The following DR1 variants were observed in gnomAD, a reference collection of about 807,000 sequenced individuals.
DR1 encodes protein Dr1.
In DR1, 7 loss-of-function variants were observed where a neutral mutation model predicts 19.9. The ratio of observed to expected loss-of-function variants is 0.35; its 90% CI spans 0.20 to 0.66. The LOEUF (loss-of-function observed/expected upper bound fraction) is 0.66. DR1 is among the 30% of genes least tolerant of loss of function. The pLI is 0.66. For synonymous variants in DR1, 76 were observed against 72.5 expected (o/e 1.05, Z -0.24); for missense variants, 98 against 203.7 (o/e 0.48, Z 3.16).
In DR1 at chr1:93,363,712, A is replaced by G. The variant is rs1191681134; in HGVS notation, c.*3073A>G. The G allele has an allele frequency of 1.3e-5, 2 of 152,264 alleles. No homozygotes were observed. Among genetic ancestry groups the G allele is most frequent in the Admixed American group, 6.5e-5 (1 of 15,292 alleles). The allele number at this position is 152,264 out of a possible 1,614,324, so 9.4% of individuals were successfully genotyped here. On this transcript the variant is annotated 3_prime_UTR_variant, in exon 3 of 3. Transcript: ENST00000370272. Reference sequence around the variant, plus strand: ...ACATCTGCAGAATCTCTTTTGCCATATAAGTGACATTCACAGGTTCCAGGG... The same window carrying G: ...ACATCTGCAGAATCTCTTTTGCCATGTAAGTGACATTCACAGGTTCCAGGG...
chr1:93,346,659 C>G lies in DR1; in HGVS notation c.14C>G (p.Ser5Cys). The G allele has an allele frequency of 6.2e-7, 1 of 1,613,934 alleles. No individual in the cohort carries two copies. Among genetic ancestry groups the G allele is most frequent in the Non-Finnish European group, 8.5e-7 (1 of 1,179,968 alleles). The change falls in exon 1 of 3, where the codon TCT (serine) becomes TGT (cysteine). Residue 5 changes from serine to cysteine, a missense_variant. Coordinates refer to ENST00000370272, the MANE Select transcript of DR1 (RefSeq NM_001938.3). ...CAGGAAGGTACTATGGCTTCCTCGT[C>G]TGGCAACGATGATGATCTCACTATC... is the stretch of plus-strand genomic sequence containing the variant. MASSSGNDDDLTIPR... is the reference protein window; with the variant it reads MASSCGNDDDLTIPR...
rs749637310 is a variant in DR1 at position 93,366,967 on chromosome 1, A to T, written c.*6328A>T. On this transcript the variant is annotated 3_prime_UTR_variant, in exon 3 of 3. Transcript: ENST00000370272. ...CAGTGAGCCATGATCACGCTACTGC[A>T]CTCCAGTCTGGGCAACAGAGCAAAA... 5 of 152,118 alleles carry T rather than the reference A, an allele frequency of 3.3e-5. No homozygotes were observed. The highest frequency in any genetic ancestry group is 5.9e-5 in the Non-Finnish European group (4 of 68,084). 9.4% of individuals were successfully genotyped at this position (152,118 alleles called of 1,614,324 possible). A position where few individuals can be genotyped will look rare whatever the true frequency, so the allele number is the denominator to read the frequency against.
rs1345154261 is a variant in DR1, at chr1:93,366,568, G to A, written c.*5929G>A. On this transcript the variant is annotated 3_prime_UTR_variant, in exon 3 of 3. Coordinates refer to ENST00000370272, the MANE Select transcript of DR1 (RefSeq NM_001938.3). ...AAATCAATTTTACCATAGGTGAACT[G>A]ATATAAATAAGAGTTAAGTCCCTAT... 1.3e-5 allele frequency: 2 copies of A among 152,146 alleles called. No homozygotes were observed. The highest frequency in any genetic ancestry group is 4.8e-5 in the African/African-American group (2 of 41,428). 9.4% of individuals were successfully genotyped at this position (152,146 alleles called of 1,614,324 possible). A position where few individuals can be genotyped will look rare whatever the true frequency, so the allele number is the denominator to read the frequency against.
At position 93,368,656 on chromosome 1, in the gene DR1, T is replaced by C. The variant is rs1365788260; in HGVS notation, c.*8017T>C. 1 of 152,226 alleles carries C rather than the reference T, an allele frequency of 6.6e-6. No homozygotes were observed. Among genetic ancestry groups the C allele is most frequent in the Non-Finnish European group, 1.5e-5 (1 of 68,028 alleles). The allele number at this position is 152,226 out of a possible 1,614,324, so 9.4% of individuals were successfully genotyped here. Reference sequence around the variant, plus strand: ...GTCACTAATAAACTTCTAGAATCCATGTAGTAGGGTGTAGTAGTGTGGTTA... The same window carrying C: ...GTCACTAATAAACTTCTAGAATCCACGTAGTAGGGTGTAGTAGTGTGGTTA... On this transcript the variant is annotated 3_prime_UTR_variant, in exon 3 of 3. Coordinates refer to ENST00000370272, the MANE Select transcript of DR1 (RefSeq NM_001938.3).
rs55792701 is a variant in DR1, at chr1:93,362,826, CTTTTTTTTTTTTTT to C, written c.*2202_*2215del. ...GCAATATTTTATTTTTAGGTTTTTT[CTTTTTTTTTTTTTT>C]TTTTTTTTTTTTTTAGCATTTAAGA... On this transcript the variant is annotated 3_prime_UTR_variant, in exon 3 of 3. Transcript: ENST00000370272. The C allele has an allele frequency of 3.8e-5, 2 of 52,868 alleles. No individual in the cohort carries two copies. Among genetic ancestry groups the C allele is most frequent in the Admixed American group, 2.0e-4 (1 of 5,064 alleles). The allele number at this position is 52,868 out of a possible 1,614,324, so 3.3% of individuals were successfully genotyped here.
In DR1 at chr1:93,365,420, A is replaced by G. The variant is rs967182362; in HGVS notation, c.*4781A>G. Reference sequence around the variant, plus strand: ...TGTGCATTGTAGGATTTCTAGCAGCATAATTGGCTTATGCCCACTTGATGT... The same window carrying G: ...TGTGCATTGTAGGATTTCTAGCAGCGTAATTGGCTTATGCCCACTTGATGT... On this transcript the variant is annotated 3_prime_UTR_variant, in exon 3 of 3. Transcript: ENST00000370272. The G allele has an allele frequency of 1.3e-5, 2 of 152,358 alleles. No individual in the cohort carries two copies. Among genetic ancestry groups the G allele is most frequent in the African/African-American group, 4.8e-5 (2 of 41,578 alleles). 9.4% of individuals were successfully genotyped at this position (152,358 alleles called of 1,614,324 possible).
intron 2 of DR1, among the ~76,000 whole-genome samples, chr1:93,359,441 T>C (rs1447552190): frequency 2.6e-5 from 4 of 152,152 alleles, no homozygotes; most frequent in Non-Finnish European, 5.9e-5. Flanking sequence ...TGGGAATGCA[T>C]AGGGAATTAT....
chr1:93,352,741 T>A (rs1666930355), intron 1 of DR1, among the ~76,000 whole-genome samples: 1 of 152,224 alleles, frequency 6.6e-6, no homozygotes, highest in Non-Finnish European at 1.5e-5. Context: ...TTGCCACCTA[T>A]GTTTCATCAT....
At chr1:93,356,878 T>A (rs1237690411) in intron 2 of DR1, among the ~76,000 whole-genome samples, 1 of 152,004 alleles carries the variant, frequency 6.6e-6, no homozygotes, top group East Asian at 1.9e-4. Context: ...TGCACCACCA[T>A]GCCTGGCTAA....
intron 1 of DR1, among the ~76,000 whole-genome samples, chr1:93,348,636 T>C (rs1666881553): frequency 6.6e-6 from 1 of 152,144 alleles, no homozygotes; most frequent in Non-Finnish European, 1.5e-5. Flanking sequence ...TGGAATATGC[T>C]AAATTCAGTT....
Position 93,362,188 on chromosome 1 carries a change from C to G in DR1, c.*1549C>G, listed in dbSNP as rs1356474233. The stretch of plus-strand genomic sequence containing the variant: ...TATACATTTATTAAATATACTTCCC[C>G]CATGAAGTGAAAAGGTTAATTTTGC... On this transcript the variant is annotated 3_prime_UTR_variant, in exon 3 of 3. Transcript: ENST00000370272. The G allele has an allele frequency of 6.6e-6, 1 of 152,216 alleles. No individual in the cohort carries two copies. The highest frequency in any genetic ancestry group is 1.5e-5 in the Non-Finnish European group (1 of 67,844). 9.4% of individuals were successfully genotyped at this position (152,216 alleles called of 1,614,324 possible).
chr1:93,348,406 A>G (rs1666878338), intron 1 of DR1, among the ~76,000 whole-genome samples: 1 of 152,150 alleles, frequency 6.6e-6, no homozygotes, highest in Non-Finnish European at 1.5e-5. Flanking sequence ...ACCTTTATCA[A>G]CATTGCCTTT....
chr1:93,366,480 A>G lies in DR1; in HGVS notation c.*5841A>G, dbSNP rs1296748736. The stretch of plus-strand genomic sequence containing the variant: ...ATATAAAGATAATTTATAATACAAT[A>G]AGTCCTCAATGTTGTTGATAGGTTC... On this transcript the variant is annotated 3_prime_UTR_variant, in exon 3 of 3. Coordinates refer to ENST00000370272, the MANE Select transcript of DR1 (RefSeq NM_001938.3). 2.6e-5 allele frequency: 4 copies of G among 152,206 alleles called. No individual in the cohort carries two copies. Among genetic ancestry groups the G allele is most frequent in the African/African-American group, 9.6e-5 (4 of 41,452 alleles). 9.4% of individuals were successfully genotyped at this position (152,206 alleles called of 1,614,324 possible).
At chr1:93,357,149 CATT>C (rs1199521497) in intron 2 of DR1, among the ~76,000 whole-genome samples, 2 of 152,160 alleles carry the variant, frequency 1.3e-5, no homozygotes, top group African/African-American at 4.8e-5. Context: ...GGATGACAGT[CATT>C]ATTAGGGAGA....
At position 93,361,050 on chromosome 1, in the gene DR1, G is replaced by GGGGGT; in HGVS notation, c.*412_*413insGGGTG. 1 of 162,016 alleles carries GGGGGT rather than the reference G, an allele frequency of 6.2e-6. No homozygotes were observed. Among genetic ancestry groups the GGGGGT allele is most frequent in the Non-Finnish European group, 1.3e-5 (1 of 75,764 alleles). 10.0% of individuals were successfully genotyped at this position (162,016 alleles called of 1,614,324 possible). On this transcript the variant is annotated 3_prime_UTR_variant, in exon 3 of 3. Coordinates refer to ENST00000370272, the MANE Select transcript of DR1 (RefSeq NM_001938.3). ...GTGAATTTTAAATTATTAAGGGGGG[G>GGGGGT]GTGCTGTGTGAATCAGTAGACATTG...
rs1476770434 is a variant in DR1 at position 93,367,669 on chromosome 1, T to A, written c.*7030T>A. 6.6e-6 allele frequency: 1 copy of A among 152,216 alleles called. No individual in the cohort carries two copies. Among genetic ancestry groups the A allele is most frequent in the African/African-American group, 2.4e-5 (1 of 41,452 alleles). 9.4% of individuals were successfully genotyped at this position (152,216 alleles called of 1,614,324 possible). On this transcript the variant is annotated 3_prime_UTR_variant, in exon 3 of 3. Coordinates refer to ENST00000370272, the MANE Select transcript of DR1 (RefSeq NM_001938.3). Reference sequence around the variant, plus strand: ...CAGATATGTGGAGGACATGCAAAATTCACACAGACAGTGGCCCTGGTTGTA... The same window carrying A: ...CAGATATGTGGAGGACATGCAAAATACACACAGACAGTGGCCCTGGTTGTA...
chr1:93,365,240 C>A lies in DR1; in HGVS notation c.*4601C>A, dbSNP rs950996315. On this transcript the variant is annotated 3_prime_UTR_variant, in exon 3 of 3. Transcript: ENST00000370272. ...CATAATGCACCATAGCCTCAAACTC[C>A]TGGGCTCAAGCAATCCAAAAGGAGG... 3 of 152,182 alleles carry A rather than the reference C, an allele frequency of 2.0e-5. No homozygotes were observed. Among genetic ancestry groups the A allele is most frequent in the Non-Finnish European group, 2.9e-5 (2 of 68,036 alleles). 9.4% of individuals were successfully genotyped at this position (152,182 alleles called of 1,614,324 possible).
At position 93,364,851 on chromosome 1, in the gene DR1, C is replaced by CTTTTTTTTTTTTTTTTTTTTTTTTTTTTT. The variant is rs1185414953; in HGVS notation, c.*4232_*4233insTTTTTTTTTTTTTTTTTTTTTTTTTTTTT. 3.3e-4 allele frequency: 33 copies of CTTTTTTTTTTTTTTTTTTTTTTTTTTTTT among 100,640 alleles called. No individual in the cohort carries two copies. The highest frequency in any genetic ancestry group is 4.3e-4 in the African/African-American group (9 of 21,150). The allele number at this position is 100,640 out of a possible 1,614,324, so 6.2% of individuals were successfully genotyped here. A position where few individuals can be genotyped will look rare whatever the true frequency, so the allele number is the denominator to read the frequency against. ...TTTTCTTTTTTCTTTTCTTTTCTTT[C>CTTTTTTTTTTTTTTTTTTTTTTTTTTTTT]TTTTTTTTTTTTTTTTTTTTGAGAC... On this transcript the variant is annotated 3_prime_UTR_variant, in exon 3 of 3. Coordinates refer to ENST00000370272, the MANE Select transcript of DR1 (RefSeq NM_001938.3).
At chr1:93,354,553 A>G (rs1423693823) in intron 2 of DR1, among the ~76,000 whole-genome samples, 2 of 152,182 alleles carry the variant, frequency 1.3e-5, no homozygotes, top group East Asian at 1.9e-4. Flanking sequence ...CTTGCTTGTA[A>G]TAATTCTAAT....
Sources: gnomAD v4.1 joint callset for allele counts (sites outside exome capture counted in the v4.1 genomes callset) on GRCh38, gnomAD v4.1.1 for gene constraint, MANE v1.5 for transcripts, NCBI Gene and HGNC (gene_info 2026-07-23, HGNC 2026-07-21) for gene names.